Variants in OR4A16 observed in about 807,000 individuals in gnomAD.
OR4A16 encodes the protein olfactory receptor family 4 subfamily A member 16.
For synonymous variants in OR4A16, 210 were observed against 138.6 expected (o/e 1.51, Z -3.62); for missense variants, 594 against 390.9 (o/e 1.52, Z -4.38).
Position 55,343,715 on chromosome 11 carries a change from T to C in OR4A16, c.515T>C (p.Ile172Thr). Reference sequence around the variant, plus strand: ...CTACCAATCTGTGGCCCCAATGTTATTGACCACTCTGTCTGTGACATGTAC... The same window carrying C: ...CTACCAATCTGTGGCCCCAATGTTACTGACCACTCTGTCTGTGACATGTAC... ...YSLPICGPNV[I>T]DHSVCDMYPL... is the part of the protein sequence containing the mutation. The change falls in exon 1 of 1, where the codon ATT becomes ACT. Residue 172 changes from isoleucine (I) to threonine (T), a missense_variant. Ile to Thr is a moderately conservative substitution (Grantham distance 89, BLOSUM62 -1). Coordinates refer to ENST00000314721, the MANE Select transcript of OR4A16 (RefSeq NM_001005274.1). 7.4e-6 allele frequency: 12 copies of C among 1,613,948 alleles called. No individual in the cohort carries two copies. The highest frequency in any genetic ancestry group is 1.1e-5 in the South Asian group (1 of 91,074).
In OR4A16 at chr11:55,343,914, C is replaced by T. The variant is rs779463185; in HGVS notation, c.714C>T (p.Cys238=). Residue 238 remains cysteine (C), a synonymous_variant, in exon 1 of 1, where the codon TGC becomes TGT. Transcript: ENST00000314721. ...QEERHKALPT[C]ISHIIVVALV... is the part of the protein sequence containing the mutation. ...AGAGGCATAAAGCCCTGCCTACCTG[C>T]ATCTCCCACATCATTGTGGTTGCCC... 3 of 1,613,836 alleles carry T rather than the reference C, an allele frequency of 1.9e-6. No individual in the cohort carries two copies. Among genetic ancestry groups the T allele is most frequent in the Non-Finnish European group, 2.5e-6 (3 of 1,179,900 alleles).
At position 55,343,961 on chromosome 11, in the gene OR4A16, T is replaced by C; in HGVS notation, c.761T>C (p.Phe254Ser). The change falls in exon 1 of 1, where the codon TTT becomes TCT. Residue 254 changes from phenylalanine (F) to serine (S), a missense_variant. Phe to Ser is a radical substitution (Grantham distance 155, BLOSUM62 -2). Coordinates refer to ENST00000314721, the MANE Select transcript of OR4A16 (RefSeq NM_001005274.1). ...VVALVFVPCIFMYVRPVSNFP... is the reference protein window; with the variant it reads ...VVALVFVPCISMYVRPVSNFP... ...GCCCTCGTTTTTGTTCCCTGTATTT[T>C]TATGTATGTTAGACCCGTTTCCAAC... is the stretch of plus-strand genomic sequence containing the variant. 6.2e-7 allele frequency: 1 copy of C among 1,613,778 alleles called. No homozygotes were observed. Among genetic ancestry groups the C allele is most frequent in the East Asian group, 2.2e-5 (1 of 44,768 alleles).
At position 55,344,037 on chromosome 11, in the gene OR4A16, G is replaced by T; in HGVS notation, c.837G>T (p.Met279Ile). ...TGTTTTATTCAATTATCACACTCAT[G>T]TTGAATCCTTTAATATACTCGTTGA... is the stretch of plus-strand genomic sequence containing the variant. ...MTVFYSIITL[M>I]LNPLIYSLRQ... Residue 279 changes from methionine (M) to isoleucine (I), a missense_variant, in exon 1 of 1, where the codon ATG becomes ATT. Met to Ile is a conservative substitution (Grantham distance 10, BLOSUM62 1). Coordinates refer to ENST00000314721, the MANE Select transcript of OR4A16 (RefSeq NM_001005274.1). The T allele has an allele frequency of 1.2e-6, 2 of 1,612,574 alleles. No individual in the cohort carries two copies. Among genetic ancestry groups the T allele is most frequent in the Non-Finnish European group, 1.7e-6 (2 of 1,179,000 alleles).
chr11:55,343,588 T>G lies in OR4A16; in HGVS notation c.388T>G (p.Tyr130Asp). ...RYVAISKPLH[Y>D]LNIMNRLVCI... ...TGTGGCTATCTCTAAGCCGCTGCAC[T>G]ATTTGAACATCATGAATCGACTGGT... The change falls in exon 1 of 1, where the codon TAT (tyrosine) becomes GAT (aspartate). Residue 130 changes from tyrosine (Y) to aspartate (D), a missense_variant. Transcript: ENST00000314721. The G allele has an allele frequency of 6.2e-7, 1 of 1,614,008 alleles. No homozygotes were observed. The highest frequency in any genetic ancestry group is 8.5e-7 in the Non-Finnish European group (1 of 1,179,932).
In OR4A16 at chr11:55,343,509, C is replaced by A; in HGVS notation, c.309C>A (p.His103Gln). The A allele has an allele frequency of 1.2e-6, 2 of 1,613,910 alleles. No individual in the cohort carries two copies. Among genetic ancestry groups the A allele is most frequent in the Non-Finnish European group, 1.7e-6 (2 of 1,179,902 alleles). ...GCATGGGTCAGCTCTTCATAGAACA[C>A]TTACTTGGTGGTGCAGAGGTCTTCC... Reference protein sequence around the residue: ...SACMGQLFIEHLLGGAEVFLL... With the variant: ...SACMGQLFIEQLLGGAEVFLL... Residue 103 changes from histidine (H) to glutamine (Q), a missense_variant, in exon 1 of 1, where the codon CAC becomes CAA. By Grantham distance (24) the His-to-Gln change is conservative (BLOSUM62 0). Coordinates refer to ENST00000314721, the MANE Select transcript of OR4A16 (RefSeq NM_001005274.1).
rs758276431 is a variant in OR4A16 at position 55,344,143 on chromosome 11, C to T, written c.943C>T (p.Leu315=). 2 of 1,601,376 alleles carry T rather than the reference C, an allele frequency of 1.2e-6. No individual in the cohort carries two copies. The highest frequency in any genetic ancestry group is 3.4e-5 in the Admixed American group (2 of 59,510). Reference sequence around the variant, plus strand: ...AGTTAGAAAAAGAGTATCTCCCACACTGAACATATTTATTCCTAGTTCTAA... The same window carrying T: ...AGTTAGAAAAAGAGTATCTCCCACATTGAACATATTTATTCCTAGTTCTAA... ...SIVRKRVSPT[L]NIFIPSSKAT... The change falls in exon 1 of 1, where the codon CTG becomes TTG. Residue 315 remains leucine, a synonymous_variant. Transcript: ENST00000314721.
chr11:55,344,121 TAGAAAA>T lies in OR4A16; in HGVS notation c.925_930del (p.Lys309_Arg310del). ...TCTGGTGTGAAAAGTTAAGTATAGT[TAGAAAA>T]AGAGTATCTCCCACACTGAACATAT... On this transcript the variant is annotated inframe_deletion, in exon 1 of 1. Coordinates refer to ENST00000314721, the MANE Select transcript of OR4A16 (RefSeq NM_001005274.1). 6.2e-7 allele frequency: 1 copy of T among 1,607,370 alleles called. No homozygotes were observed. The highest frequency in any genetic ancestry group is 8.5e-7 in the Non-Finnish European group (1 of 1,178,602).
In OR4A16 at chr11:55,343,458, T is replaced by A. The variant is rs142253044; in HGVS notation, c.258T>A (p.Asp86Glu). ...AATTGATGATAGACTTACTCTGTGA[T>A]AAAATCGCTATTTCCTTGTCAGCTT... Reference protein sequence around the residue: ...SPKLMIDLLCDKIAISLSACM... With the variant: ...SPKLMIDLLCEKIAISLSACM... The change falls in exon 1 of 1, where the codon GAT becomes GAA. Residue 86 changes from aspartate (D) to glutamate (E), a missense_variant. Asp to Glu is a conservative substitution (Grantham distance 45, BLOSUM62 2). Transcript: ENST00000314721. 20,899 of 1,546,826 alleles carry A rather than the reference T, an allele frequency of 0.014. No individual in the cohort carries two copies. Among genetic ancestry groups the A allele is most frequent in the African/African-American group, 0.035 (2,562 of 72,666 alleles).
chr11:55,343,668 T>C lies in OR4A16; in HGVS notation c.468T>C (p.Val156=). 1 of 1,613,902 alleles carries C rather than the reference T, an allele frequency of 6.2e-7. No homozygotes were observed. The part of the protein sequence containing the change: ...AMIGGFVHSV[V]QIVFLYSLPI... ...TTGGAGGTTTTGTGCACTCTGTGGT[T>C]CAAATTGTCTTTCTGTACAGTCTAC... Residue 156 remains valine (V), a synonymous_variant, in exon 1 of 1, where the codon GTT becomes GTC. Transcript: ENST00000314721.
Position 55,343,633 on chromosome 11 carries a change from G to T in OR4A16, c.433G>T (p.Val145Leu). 4 of 1,613,802 alleles carry T rather than the reference G, an allele frequency of 2.5e-6. No individual in the cohort carries two copies. The highest frequency in any genetic ancestry group is 3.4e-6 in the Non-Finnish European group (4 of 1,179,866). The change falls in exon 1 of 1, where the codon GTG becomes TTG. Residue 145 changes from valine (V) to leucine (L), a missense_variant. By Grantham distance (32) the Val-to-Leu change is conservative. Transcript: ENST00000314721. The stretch of plus-strand genomic sequence containing the variant: ...ACTGGTTTGCATCCTTCTGTTGGTG[G>T]TGGCCATGATTGGAGGTTTTGTGCA... ...NRLVCILLLV[V>L]AMIGGFVHSV...
Position 55,344,067 on chromosome 11 carries a change from A to G in OR4A16, c.867A>G (p.Gln289=). 1 of 1,603,720 alleles carries G rather than the reference A, an allele frequency of 6.2e-7. No homozygotes were observed. The highest frequency in any genetic ancestry group is 8.5e-7 in the Non-Finnish European group (1 of 1,174,558). Residue 289 remains glutamine (Q), a synonymous_variant, in exon 1 of 1, where the codon CAA becomes CAG. Coordinates refer to ENST00000314721, the MANE Select transcript of OR4A16 (RefSeq NM_001005274.1). ...MLNPLIYSLR[Q]SEMKNAMKNL... ...ATCCTTTAATATACTCGTTGAGACA[A>G]TCAGAGATGAAAAATGCTATGAAAA...
Position 55,343,661 on chromosome 11 carries a change from C to T in OR4A16, c.461C>T (p.Ser154Phe), listed in dbSNP as rs761969496. ...GCCATGATTGGAGGTTTTGTGCACT[C>T]TGTGGTTCAAATTGTCTTTCTGTAC... is the stretch of plus-strand genomic sequence containing the variant. ...VVAMIGGFVH[S>F]VVQIVFLYSL... Residue 154 changes from serine to phenylalanine, a missense_variant, in exon 1 of 1, where the codon TCT (serine) becomes TTT (phenylalanine). Coordinates refer to ENST00000314721, the MANE Select transcript of OR4A16 (RefSeq NM_001005274.1). The T allele has an allele frequency of 4.3e-6, 7 of 1,613,846 alleles. No homozygotes were observed. In the South Asian group the frequency reaches 7.7e-5, roughly 18 times the overall value.
chr11:55,343,220 T>G lies in OR4A16; in HGVS notation c.20T>G (p.Val7Gly). The change falls in exon 1 of 1, where the codon GTT becomes GGT. Residue 7 changes from valine (V) to glycine (G), a missense_variant. Val to Gly is a moderately radical substitution (Grantham distance 109). Coordinates refer to ENST00000314721, the MANE Select transcript of OR4A16 (RefSeq NM_001005274.1). ...GAGTAAATGAGACCAAGCAGCAATG[T>G]TACAGAATTTGTCCTCCTGGGCCTC... MRPSSN[V>G]TEFVLLGLTQ... 6.2e-7 allele frequency: 1 copy of G among 1,604,684 alleles called. No homozygotes were observed. The highest frequency in any genetic ancestry group is 8.5e-7 in the Non-Finnish European group (1 of 1,175,506).
In OR4A16 at chr11:55,344,089, A is replaced by G. The variant is rs1337958719; in HGVS notation, c.889A>G (p.Lys297Glu). 3 of 1,611,418 alleles carry G rather than the reference A, an allele frequency of 1.9e-6. No homozygotes were observed. The highest frequency in any genetic ancestry group is 2.2e-5 in the South Asian group (2 of 91,050). ...ACAATCAGAGATGAAAAATGCTATG[A>G]AAAATCTCTGGTGTGAAAAGTTAAG... Reference protein sequence around the residue: ...LRQSEMKNAMKNLWCEKLSIV... With the variant: ...LRQSEMKNAMENLWCEKLSIV... Residue 297 changes from lysine to glutamate, a missense_variant, in exon 1 of 1, where the codon AAA becomes GAA. Lys to Glu is a moderately conservative substitution (Grantham distance 56). Coordinates refer to ENST00000314721, the MANE Select transcript of OR4A16 (RefSeq NM_001005274.1).
rs150797517 is a variant in OR4A16 at position 55,344,113 on chromosome 11, A to T, written c.913A>T (p.Ser305Cys). 4 of 1,607,954 alleles carry T rather than the reference A, an allele frequency of 2.5e-6. No homozygotes were observed. In the African/African-American group the frequency reaches 5.3e-5, roughly 21 times the overall value. The change falls in exon 1 of 1, where the codon AGT becomes TGT. Residue 305 changes from serine (S) to cysteine (C), a missense_variant. Coordinates refer to ENST00000314721, the MANE Select transcript of OR4A16 (RefSeq NM_001005274.1). ...AMKNLWCEKL[S>C]IVRKRVSPTL... ...GAAAAATCTCTGGTGTGAAAAGTTA[A>T]GTATAGTTAGAAAAAGAGTATCTCC... is the stretch of plus-strand genomic sequence containing the variant.
chr11:55,343,795 G>T lies in OR4A16; in HGVS notation c.595G>T (p.Ala199Ser). The T allele has an allele frequency of 1.2e-6, 2 of 1,613,842 alleles. No individual in the cohort carries two copies. The highest frequency in any genetic ancestry group is 1.1e-5 in the South Asian group (1 of 91,074). The change falls in exon 1 of 1, where the codon GCC becomes TCC. Residue 199 changes from alanine to serine, a missense_variant. Physicochemically the swap from Ala to Ser is moderately conservative, Grantham distance 99 (BLOSUM62 1). Transcript: ENST00000314721. ...DTYFIGLTVV[A>S]NGGIICMVIF... ...CTACTTTATAGGACTCACTGTGGTT[G>T]CCAATGGTGGAATAATTTGTATGGT...
Position 55,343,820 on chromosome 11 carries a change from T to C in OR4A16, c.620T>C (p.Val207Ala), listed in dbSNP as rs778086947. 83 of 1,613,896 alleles carry C rather than the reference T, an allele frequency of 5.1e-5. No homozygotes were observed. In the Admixed American group the frequency reaches 1.3e-3, roughly 25 times the overall value. Residue 207 changes from valine to alanine, a missense_variant, in exon 1 of 1, where the codon GTC (valine) becomes GCC (alanine). By Grantham distance (64) the Val-to-Ala change is moderately conservative (BLOSUM62 0). Transcript: ENST00000314721. ...VVANGGIICM[V>A]IFTFLLISCG... ...GCCAATGGTGGAATAATTTGTATGG[T>C]CATCTTTACCTTTCTGCTAATCTCC...
Position 55,343,755 on chromosome 11 carries a change from G to C in OR4A16, c.555G>C (p.Leu185=). ...SVCDMYPLLE[L]LCLDTYFIGL... Reference sequence around the variant, plus strand: ...GTGACATGTACCCATTGTTGGAACTGTTGTGCCTTGACACCTACTTTATAG... The same window carrying C: ...GTGACATGTACCCATTGTTGGAACTCTTGTGCCTTGACACCTACTTTATAG... Residue 185 remains leucine, a synonymous_variant, in exon 1 of 1, where the codon CTG becomes CTC. Coordinates refer to ENST00000314721, the MANE Select transcript of OR4A16 (RefSeq NM_001005274.1). 2 of 1,601,460 alleles carry C rather than the reference G, an allele frequency of 1.2e-6. No individual in the cohort carries two copies. Among genetic ancestry groups the C allele is most frequent in the Non-Finnish European group, 1.7e-6 (2 of 1,172,284 alleles).
Position 55,344,182 on chromosome 11 carries a change from C to T in OR4A16, c.982C>T (p.Arg328Trp), listed in dbSNP as rs770011577. The T allele has an allele frequency of 2.5e-5, 39 of 1,567,374 alleles. No homozygotes were observed. The highest frequency in any genetic ancestry group is 5.4e-5 in the African/African-American group (4 of 73,534). ...TCCTAGTTCTAAGGCAACAAATAGG[C>T]GGTAAAATACTGCAGTCAATTCAAC... is the stretch of plus-strand genomic sequence containing the variant. ...FIPSSKATNR[R>W] Residue 328 changes from arginine (R) to tryptophan (W), a missense_variant, in exon 1 of 1, where the codon CGG becomes TGG. Transcript: ENST00000314721.
Sources: allele counts gnomAD v4.1 joint callset, GRCh38; gene constraint gnomAD v4.1.1; transcripts MANE v1.5; gene names NCBI Gene and HGNC (gene_info 2026-07-23, HGNC 2026-07-21).